ERCC6: variants seen among roughly 807,000 people sequenced by gnomAD.
The protein encoded by ERCC6 is ERCC excision repair 6, chromatin remodeling factor.
A neutral mutation model predicts 158.7 loss-of-function variants in ERCC6; 116 were observed. The observed-to-expected ratio is 0.73, with a 90% CI of 0.63 to 0.85. ERCC6 has a LOEUF of 0.85. ERCC6 is among the 40% of genes least tolerant of loss of function. ERCC6 has a pLI of 0.00. For synonymous variants in ERCC6, 678 were observed against 659.3 expected (o/e 1.03, Z -0.43); for missense variants, 1,698 against 1,799.4 (o/e 0.94, Z 1.02).
chr10:49,527,315 T>C (rs574092445), intron 4 of ERCC6, among the ~76,000 whole-genome samples: 71 of 152,122 alleles, frequency 4.7e-4, no homozygotes, highest in Non-Finnish European at 9.3e-4. Context: ...ATGAGAAACA[T>C]AGTACACAGC....
Position 49,461,897 on chromosome 10 carries a change from T to C in ERCC6, c.3779-341A>G, listed in dbSNP as rs1229497374. Among the ~76,000 whole-genome samples, 3 of 152,188 alleles carry C rather than the reference T, an allele frequency of 2.0e-5. No individual in the cohort carries two copies. The East Asian group carries it at 5.8e-4, about 29-fold the overall frequency. On this transcript the variant is annotated intron_variant, in intron 18 of 20. Coordinates refer to ENST00000355832, the MANE Select transcript of ERCC6 (RefSeq NM_000124.4). ...TATGGAGAAGACATGAAAACACTCCTGGGAAGATAGACTATCAGACTTAAA... is the reference window on the plus strand; with the variant it reads ...TATGGAGAAGACATGAAAACACTCCCGGGAAGATAGACTATCAGACTTAAA...
intron 5 of ERCC6, chr10:49,517,145 T>C: frequency 6.4e-7 from 1 of 1,569,656 alleles, no homozygotes; most frequent in Non-Finnish European, 8.7e-7. Context: ...AAGGTATTAT[T>C]AGTCCTAGTG....
chr10:49,479,108 G>A (rs1251803988), intron 10 of ERCC6, among the ~76,000 whole-genome samples: 1 of 148,128 alleles, frequency 6.8e-6, no homozygotes, highest in African/African-American at 2.5e-5. Context: ...CTAAATATAC[G>A]CAAAAAAAAA....
At chr10:49,522,137 C>T (rs1394736729) in intron 5 of ERCC6, among the ~76,000 whole-genome samples, 1 of 152,202 alleles carries the variant, frequency 6.6e-6, no homozygotes, top group East Asian at 1.9e-4. Context: ...AACTCTATGA[C>T]TTTATTCTAA....
At chr10:49,516,934 C>T in intron 5 of ERCC6, 1 of 1,614,098 alleles carries the variant, frequency 6.2e-7, no homozygotes, top group South Asian at 1.1e-5. Flanking sequence ...AGATACGCAG[C>T]TGTGTGCAAC....
intron 5 of ERCC6, chr10:49,517,045 C>T (rs1836993866): frequency 1.9e-6 from 3 of 1,613,550 alleles, no homozygotes; most frequent in African/African-American, 2.7e-5. Context: ...ATCACTATAG[C>T]ACTTGCTTCT....
chr10:49,445,167 G>A, the ERCC6 span, among the ~76,000 whole-genome samples: 1 of 152,182 alleles, frequency 6.6e-6, no homozygotes, highest in Admixed American at 6.5e-5. Context: ...AAAACTATTT[G>A]TAAGCTAGGA....
Position 49,458,392 on chromosome 10 carries a change from A to G in ERCC6, c.*423T>C. ...AGCATCAAAATAATGCTGTTATCAG[A>G]TATTGATGAACTTATTGAACAGGTC... On this transcript the variant is annotated 3_prime_UTR_variant, in exon 21 of 21. Transcript: ENST00000355832. 5.8e-6 allele frequency: 1 copy of G among 173,098 alleles called. No individual in the cohort carries two copies. Among genetic ancestry groups the G allele is most frequent in the Non-Finnish European group, 1.3e-5 (1 of 79,592 alleles). The allele number at this position is 173,098 out of a possible 1,614,324, so 10.7% of individuals were successfully genotyped here.
At chr10:49,506,210 T>G (rs956277692) in intron 5 of ERCC6, 198 bp from the exon 6 acceptor site, 2 of 610,434 alleles carry the variant, frequency 3.3e-6, no homozygotes, top group African/African-American at 3.7e-5. Context: ...TCATTTCTTA[T>G]GTAAATTATT....
chr10:49,517,261 A>G (rs1214327157), intron 5 of ERCC6: 2 of 1,253,886 alleles, frequency 1.6e-6, no homozygotes, highest in Non-Finnish European at 2.1e-6. Flanking sequence ...GCACAATAGC[A>G]TAACTAGTAG....
At chr10:49,498,367 A>C (rs1851300795) in intron 7 of ERCC6, among the ~76,000 whole-genome samples, 1 of 152,210 alleles carries the variant, frequency 6.6e-6, no homozygotes, top group Admixed American at 6.5e-5. Context: ...ACAGAACTTC[A>C]TTTGACCTTA....
At chr10:49,481,982 C>T (rs1334830694) in intron 10 of ERCC6, among the ~76,000 whole-genome samples, 1 of 152,190 alleles carries the variant, frequency 6.6e-6, no homozygotes, top group African/African-American at 2.4e-5. Flanking sequence ...CCTCCAGAGT[C>T]CTGCTCAGAC....
chr10:49,487,985 A>G (rs1851104290), intron 8 of ERCC6, among the ~76,000 whole-genome samples: 1 of 152,244 alleles, frequency 6.6e-6, no homozygotes, highest in South Asian at 2.1e-4. Context: ...AGAATTCTAT[A>G]GCTGCCTAGA....
intron 18 of ERCC6, among the ~76,000 whole-genome samples, chr10:49,465,235 G>C (rs961759371): frequency 1.3e-5 from 2 of 152,226 alleles, no homozygotes; most frequent in African/African-American, 4.8e-5. Flanking sequence ...AGATTTGACT[G>C]CCCTGCTGGA....
the ERCC6 span, among the ~76,000 whole-genome samples, chr10:49,435,644 T>C: frequency 1.3e-5 from 2 of 152,170 alleles, no homozygotes; most frequent in East Asian, 3.8e-4. Flanking sequence ...ATAAAAAATA[T>C]AGGATGAACC....
intron 6 of ERCC6, chr10:49,505,012 C>T (rs543967433): frequency 6.6e-6 from 1 of 152,154 alleles, no homozygotes; most frequent in African/African-American, 2.4e-5. Flanking sequence ...ACAGCTGAAT[C>T]TATAAAGGAG....
chr10:49,529,816 T>C (rs924162208), intron 3 of ERCC6, among the ~76,000 whole-genome samples: 2 of 152,074 alleles, frequency 1.3e-5, no homozygotes, highest in African/African-American at 2.4e-5. Flanking sequence ...GCAATGTATT[T>C]TCACAAAGGG....
chr10:49,525,759 A>G (rs918510736), intron 4 of ERCC6, among the ~76,000 whole-genome samples: 2 of 151,968 alleles, frequency 1.3e-5, no homozygotes, highest in African/African-American at 4.8e-5. Context: ...ACTAGCAGCC[A>G]TATCAACTAA....
intron 20 of ERCC6, among the ~76,000 whole-genome samples, chr10:49,459,680 C>T (rs762052677): frequency 1.3e-5 from 2 of 152,096 alleles, no homozygotes; most frequent in Non-Finnish European, 2.9e-5. Flanking sequence ...ACTTTTAAGT[C>T]TTCTTACTCT....
Sources: allele counts gnomAD v4.1 joint callset (sites outside exome capture counted in the v4.1 genomes callset), GRCh38; gene constraint gnomAD v4.1.1; transcripts MANE v1.5; gene names NCBI Gene and HGNC (gene_info 2026-07-23, HGNC 2026-07-21).